CCDC40: variants seen among roughly 807,000 people sequenced by gnomAD.
CCDC40 encodes coiled-coil domain 40 molecular ruler complex subunit, also known as coiled-coil domain-containing protein 40.
In CCDC40, 104 loss-of-function variants were observed where a neutral mutation model predicts 124.5. The ratio of observed to expected loss-of-function variants is 0.84; its 90% CI spans 0.71 to 0.98. CCDC40 has a LOEUF of 0.98. Ranked by LOEUF, CCDC40 falls within the 50% of genes least tolerant of loss-of-function variation. The pLI, the probability that CCDC40 is intolerant of heterozygous loss-of-function variation, is 0.00. For synonymous variants in CCDC40, 580 were observed against 602.9 expected, an observed-to-expected ratio of 0.96 and a Z score of 0.56; for missense variants, 1,463 against 1,503.9, an observed-to-expected ratio of 0.97 and a Z score of 0.45.
rs2038611316 is a variant in CCDC40, at chr17:80,087,478, C to A, written c.2450-129C>A. On this transcript the variant is annotated intron_variant, in intron 14 of 19. Transcript: ENST00000397545. The surrounding 1 kb of genome is among the most constrained non-coding windows in gnomAD (Gnocchi z 4.5). ...ATTCAGGCAGGAGCGCCAGGAACGA[C>A]AAGAGGGAGGGGATGAAGGGAGCTA... 2 of 742,972 alleles carry A rather than the reference C, an allele frequency of 2.7e-6. No homozygotes were observed. The highest frequency in any genetic ancestry group is 1.7e-5 in the African/African-American group (1 of 57,698). 46.0% of individuals were successfully genotyped at this position (742,972 alleles called of 1,614,324 possible). A position where few individuals can be genotyped will look rare whatever the true frequency, so the allele number is the denominator to read the frequency against.
chr17:80,067,555 G>T, intron 10 of CCDC40: 2 of 1,530,824 alleles, frequency 1.3e-6, no homozygotes, highest in Admixed American at 3.9e-5. Flanking sequence ...GCTCGTTCCC[G>T]CCTTTCTACC....
chr17:80,039,323 C>T (rs539342282), intron 2 of CCDC40, among the ~76,000 whole-genome samples: 4 of 151,620 alleles, frequency 2.6e-5, no homozygotes, highest in Admixed American at 6.6e-5. Context: ...GCCGAGATCA[C>T]GCCACCGCAC....
chr17:80,067,791 C>T (rs1427678083), intron 10 of CCDC40: 6 of 1,455,666 alleles, frequency 4.1e-6, no homozygotes, highest in African/African-American at 1.4e-5. Context: ...CCCCCGGCAG[C>T]GGTGTTTCAA....
intron 10 of CCDC40, among the ~76,000 whole-genome samples, chr17:80,072,326 A>G (rs1015141288): frequency 6.6e-6 from 1 of 152,206 alleles, no homozygotes; most frequent in South Asian, 2.1e-4. Context: ...TTTGAAAAAC[A>G]GAGAAAAGGA....
rs1449822865 is a variant in CCDC40 at position 80,065,572 on chromosome 17, G to A, written c.1528G>A (p.Asp510Asn). 7.4e-6 allele frequency: 12 copies of A among 1,612,774 alleles called. No homozygotes were observed. The highest frequency in any genetic ancestry group is 1.0e-5 in the Non-Finnish European group (12 of 1,179,940). The change falls in exon 10 of 20, where the codon GAC becomes AAC. Residue 510 changes from aspartate to asparagine, a missense_variant. Asp to Asn is a conservative substitution (Grantham distance 23, BLOSUM62 1). Coordinates refer to ENST00000397545, the MANE Select transcript of CCDC40 (RefSeq NM_017950.4). ...CAGCCTGGTGGGCATGAAGCACCGC[G>A]ACGAGGCGCACAGGGCGGTGCTGGA... ...ASSLVGMKHR[D>N]EAHRAVLEAL...
At position 80,058,917 on chromosome 17, in the gene CCDC40, G is replaced by A. The variant is rs750587341; in HGVS notation, c.1377G>A (p.Leu459=). The change falls in exon 9 of 20, where the codon CTG becomes CTA. Residue 459 remains leucine, a synonymous_variant. Transcript: ENST00000397545. This position sits in a 1 kb window ranked among gnomAD's most constrained non-coding sequence, Gnocchi z 4.2. ...RAQQLEEDIA[L]FEAQYLAQAE... is the part of the protein sequence containing the mutation. Reference sequence around the variant, plus strand: ...AGCAACTGGAAGAAGACATTGCCCTGTTTGAGGCTCAGTACTTGGCCCAAG... The same window carrying A: ...AGCAACTGGAAGAAGACATTGCCCTATTTGAGGCTCAGTACTTGGCCCAAG... 4 of 1,614,066 alleles carry A rather than the reference G, an allele frequency of 2.5e-6. No individual in the cohort carries two copies. In the Admixed American group the frequency reaches 5.0e-5, roughly 20 times the overall value.
chr17:80,074,706 C>T (rs2038271616), intron 10 of CCDC40, among the ~76,000 whole-genome samples: 1 of 152,186 alleles, frequency 6.6e-6, no homozygotes, highest in Admixed American at 6.6e-5. Flanking sequence ...TGTTTCCACA[C>T]CTGTAACACA....
chr17:80,093,792 G>A (rs1165210508), intron 17 of CCDC40, among the ~76,000 whole-genome samples: 1 of 152,154 alleles, frequency 6.6e-6, no homozygotes, highest in Non-Finnish European at 1.5e-5. Context: ...GGGATTACAG[G>A]CGTGAGCCAC....
Position 80,040,183 on chromosome 17 carries a change from G to A in CCDC40, c.465G>A (p.Arg155=), listed in dbSNP as rs1427686364. The change falls in exon 3 of 20, where the codon AGG becomes AGA. Residue 155 remains arginine (R), a synonymous_variant. Coordinates refer to ENST00000397545, the MANE Select transcript of CCDC40 (RefSeq NM_017950.4). ...GTCCACCAGAATCCAGAGAAAGGAG[G>A]GTCACCTCCCCAGAGCCATCCCACG... The part of the protein sequence containing the change: ...ATGPPESRER[R]VTSPEPSHGV... 1.9e-6 allele frequency: 3 copies of A among 1,613,794 alleles called. No individual in the cohort carries two copies. The highest frequency in any genetic ancestry group is 2.5e-6 in the Non-Finnish European group (3 of 1,179,892).
rs1473928358 is a variant in CCDC40 at position 80,058,436 on chromosome 17, C to T, written c.1160-58C>T. 28 of 1,527,598 alleles carry T rather than the reference C, an allele frequency of 1.8e-5. No individual in the cohort carries two copies. Among genetic ancestry groups the T allele is most frequent in the South Asian group, 7.8e-5 (7 of 89,190 alleles). The allele number at this position is 1,527,598 out of a possible 1,614,324, so 94.6% of individuals were successfully genotyped here. A position where few individuals can be genotyped will look rare whatever the true frequency, so the allele number is the denominator to read the frequency against. ...TCCTCCTGGGTCTCTGCATGGGGGACGCTGGGACAGCCTCCCCACTCACTC... is the reference window on the plus strand; with the variant it reads ...TCCTCCTGGGTCTCTGCATGGGGGATGCTGGGACAGCCTCCCCACTCACTC... On this transcript the variant is annotated intron_variant, in intron 7 of 19. Transcript: ENST00000397545. The surrounding 1 kb of genome is among the most constrained non-coding windows in gnomAD (Gnocchi z 4.2).
chr17:80,049,409 CA>C (rs34096428), intron 5 of CCDC40, among the ~76,000 whole-genome samples: 4,491 of 112,818 alleles, frequency 0.04, 209 homozygotes, highest in African/African-American at 0.14. Context: ...AACTCTGTCT[CA>C]AAAAAAAAAA....
intron 17 of CCDC40, among the ~76,000 whole-genome samples, chr17:80,094,162 A>T (rs528445171): frequency 5.3e-5 from 8 of 151,946 alleles, no homozygotes; most frequent in African/African-American, 1.4e-4. Context: ...CTGTAATCCT[A>T]GCACTTTGGG....
chr17:80,060,461 G>A (rs1371036585), intron 9 of CCDC40, among the ~76,000 whole-genome samples: 1 of 151,598 alleles, frequency 6.6e-6, no homozygotes, highest in Non-Finnish European at 1.5e-5. Flanking sequence ...TCAGGAGGCT[G>A]AGGCAGGAGG....
chr17:80,093,068 C>T (rs781528330), intron 17 of CCDC40, among the ~76,000 whole-genome samples: 1 of 152,158 alleles, frequency 6.6e-6, no homozygotes, highest in African/African-American at 2.4e-5. Flanking sequence ...TCAGCTGACA[C>T]GTTTGTGTGG....
In CCDC40 at chr17:80,084,828, A is replaced by G. The variant is rs747152691; in HGVS notation, c.2075A>G (p.Gln692Arg). The change falls in exon 13 of 20, where the codon CAG (glutamine) becomes CGG (arginine). Residue 692 changes from glutamine (Q) to arginine (R), a missense_variant. Transcript: ENST00000397545. ...ACCAGCAGCAGGCTGGACGCACACC[A>G]GAAGACCCTGGTGGAGCTGGACCAG... ...THTSSRLDAH[Q>R]KTLVELDQDV... 2.5e-6 allele frequency: 4 copies of G among 1,614,220 alleles called. No homozygotes were observed. The East Asian group carries it at 6.7e-5, about 27-fold the overall frequency.
intron 3 of CCDC40, 70 bp downstream of exon 3, chr17:80,040,340 A>G: frequency 3.6e-6 from 5 of 1,380,446 alleles, no homozygotes; most frequent in Non-Finnish European, 5.0e-6. Flanking sequence ...CTATGTGAGG[A>G]ACTTGGGAAT....
Position 80,084,755 on chromosome 17 carries a change from T to A in CCDC40, c.2002T>A (p.Ser668Thr). The A allele has an allele frequency of 6.2e-7, 1 of 1,614,042 alleles. No homozygotes were observed. Among genetic ancestry groups the A allele is most frequent in the Non-Finnish European group, 8.5e-7 (1 of 1,180,026 alleles). The change falls in exon 13 of 20, where the codon TCC (serine) becomes ACC (threonine). Residue 668 changes from serine (S) to threonine (T), a missense_variant. Transcript: ENST00000397545. ...TTCATCAATTCAGATGACACATCTT[T>A]CCAAAATCAACGGTGACATTGCCCA... ...KEKTNMMTHL[S>T]KINGDIAQTT...
intron 10 of CCDC40, among the ~76,000 whole-genome samples, chr17:80,076,578 C>A (rs1431652437): frequency 5.5e-4 from 67 of 120,882 alleles, no homozygotes; most frequent in Admixed American, 8.7e-4. Flanking sequence ...GAGCCTGTCT[C>A]AAAAAAAAAA....
At chr17:80,099,049 G>A (rs948577667) in intron 19 of CCDC40, among the ~76,000 whole-genome samples, 4 of 150,668 alleles carry the variant, frequency 2.7e-5, no homozygotes, top group Non-Finnish European at 5.9e-5. Flanking sequence ...TTGGGAAGCC[G>A]AGGCAGGCGG....
Sources: allele counts gnomAD v4.1 joint callset (sites outside exome capture counted in the v4.1 genomes callset), GRCh38; gene constraint gnomAD v4.1.1; non-coding constraint Gnocchi (gnomAD v3.1); transcripts MANE v1.5; gene names NCBI Gene and HGNC (gene_info 2026-07-23, HGNC 2026-07-21).